Variants in TSPAN9 observed in about 807,000 individuals in gnomAD.
The protein encoded by TSPAN9 is tetraspanin-9.
In TSPAN9, 16 loss-of-function variants were observed where a neutral mutation model predicts 31.0. The observed-to-expected ratio is 0.52, with a 90% CI of 0.35 to 0.78. TSPAN9 has a LOEUF of 0.78. TSPAN9 is among the 30% of genes least tolerant of loss of function. TSPAN9 has a pLI of 0.01. For missense variants in TSPAN9, 272 were observed against 312.5 expected (o/e 0.87, Z 0.98); for synonymous variants, 145 against 121.6 (o/e 1.19, Z -1.27).
intron 3 of TSPAN9, among the ~76,000 whole-genome samples, chr12:3,221,931 C>T (rs774871390): frequency 5.9e-5 from 9 of 152,226 alleles, no homozygotes; most frequent in Non-Finnish European, 1.0e-4. Flanking sequence ...TATAAGCCAC[C>T]GTGCCCAGCC....
At position 3,159,542 on chromosome 12, in the gene TSPAN9, C is replaced by A. The variant is rs117301902; in HGVS notation, c.-17-41635C>A. 8.1e-4 allele frequency among the ~76,000 whole-genome samples: 123 copies of A among 152,236 alleles called. 1 individual carries two copies. The Middle Eastern group carries it at 0.034, about 42-fold the overall frequency. On this transcript the variant is annotated intron_variant, in intron 2 of 8. Coordinates refer to ENST00000011898, the MANE Select transcript of TSPAN9 (RefSeq NM_006675.5). ...GGTTAAATGAGGTCACCAGGGCAGG[C>A]CCTAATCCACCATGACTGGTGCCGT...
intron 3 of TSPAN9, among the ~76,000 whole-genome samples, chr12:3,214,893 C>G (rs1384068532): frequency 1.3e-5 from 2 of 151,860 alleles, no homozygotes; most frequent in Non-Finnish European, 2.9e-5. Flanking sequence ...TCCTCCTTCC[C>G]CCCATCCCCC....
chr12:3,095,788 A>C (rs1273194680), intron 2 of TSPAN9, among the ~76,000 whole-genome samples: 6 of 142,852 alleles, frequency 4.2e-5, no homozygotes, highest in African/African-American at 8.0e-5. Context: ...GGCGGCTGGG[A>C]AGAGGCGCTC....
At chr12:3,181,042 G>A (rs2098358339) in intron 2 of TSPAN9, among the ~76,000 whole-genome samples, 2 of 151,644 alleles carry the variant, frequency 1.3e-5, no homozygotes, top group South Asian at 2.1e-4. Flanking sequence ...AGGGGGCTTC[G>A]GCATGAGTCA....
chr12:3,230,377 C>G (rs1201850229), intron 3 of TSPAN9, among the ~76,000 whole-genome samples: 1 of 152,046 alleles, frequency 6.6e-6, no homozygotes, highest in Non-Finnish European at 1.5e-5. Flanking sequence ...CCAGGCTTCC[C>G]CCTCCCTTGT....
intron 2 of TSPAN9, among the ~76,000 whole-genome samples, chr12:3,108,041 C>G (rs1484268358): frequency 1.3e-5 from 2 of 152,162 alleles, no homozygotes; most frequent in African/African-American, 2.4e-5. Flanking sequence ...TCACCTCCCT[C>G]CACTAACTAA....
intron 3 of TSPAN9, among the ~76,000 whole-genome samples, chr12:3,223,314 C>A (rs988875113): frequency 6.6e-6 from 1 of 152,154 alleles, no homozygotes; most frequent in Non-Finnish European, 1.5e-5. Context: ...CACAGCTCAC[C>A]GCCAAGGCCT....
chr12:3,185,703 C>T (rs1435266899), intron 2 of TSPAN9, among the ~76,000 whole-genome samples: 1 of 152,242 alleles, frequency 6.6e-6, no homozygotes, highest in African/African-American at 2.4e-5. Context: ...ATGTGGGGAG[C>T]CCGCCTGAGG....
chr12:3,108,999 G>T (rs943236720), intron 2 of TSPAN9, among the ~76,000 whole-genome samples: 2 of 151,576 alleles, frequency 1.3e-5, no homozygotes, highest in African/African-American at 2.4e-5. Context: ...GCAGTGGCGC[G>T]ATCTCCGCTC....
chr12:3,099,713 T>G (rs1385074872), intron 2 of TSPAN9, among the ~76,000 whole-genome samples: 1 of 152,234 alleles, frequency 6.6e-6, no homozygotes, highest in Non-Finnish European at 1.5e-5. Context: ...ATTTGAGGTT[T>G]GCTGTTAAGC....
intron 3 of TSPAN9, among the ~76,000 whole-genome samples, chr12:3,217,957 A>G (rs1336672743): frequency 2.0e-5 from 3 of 152,070 alleles, no homozygotes; most frequent in African/African-American, 7.2e-5. Context: ...AGATGGGTTC[A>G]AGGAGCAACT....
chr12:3,134,664 T>G (rs1310624297), intron 2 of TSPAN9, among the ~76,000 whole-genome samples: 1 of 152,152 alleles, frequency 6.6e-6, no homozygotes, highest in Admixed American at 6.5e-5. Flanking sequence ...GATGGCTGTT[T>G]GGGGCGCCCA....
intron 2 of TSPAN9, among the ~76,000 whole-genome samples, chr12:3,137,509 C>T (rs1160189515): frequency 6.6e-6 from 1 of 152,208 alleles, no homozygotes; most frequent in African/African-American, 2.4e-5. Flanking sequence ...TCTGGGCACC[C>T]CACATCCATG....
chr12:3,207,092 G>A (rs1430003485), intron 3 of TSPAN9, among the ~76,000 whole-genome samples: 2 of 152,130 alleles, frequency 1.3e-5, no homozygotes, highest in East Asian at 1.9e-4. Context: ...TGGCTTCTGG[G>A]GGTGGAGAGT....
intron 3 of TSPAN9, among the ~76,000 whole-genome samples, chr12:3,268,981 C>T (rs1591716274): frequency 1.9e-5 from 2 of 108,044 alleles, no homozygotes; most frequent in African/African-American, 8.2e-5. Context: ...TTCCTGCAGC[C>T]TGCCCTCCGT....
intron 2 of TSPAN9, among the ~76,000 whole-genome samples, chr12:3,150,035 T>C (rs939186751): frequency 6.6e-6 from 1 of 151,914 alleles, no homozygotes; most frequent in African/African-American, 2.4e-5. Context: ...GGCAGAGGGG[T>C]GTGGGCAGGA....
intron 3 of TSPAN9, among the ~76,000 whole-genome samples, chr12:3,205,832 A>T: frequency 6.6e-6 from 1 of 152,104 alleles, no homozygotes. Flanking sequence ...GAAGGGGGAC[A>T]GGTGCGGGGC....
At chr12:3,131,254 C>A (rs12321327) in intron 2 of TSPAN9, among the ~76,000 whole-genome samples, 4 of 151,772 alleles carry the variant, frequency 2.6e-5, no homozygotes, top group African/African-American at 7.2e-5. Context: ...AGTTTTTACC[C>A]AGGCACCGCG....
chr12:3,184,338 C>T (rs538224466), intron 2 of TSPAN9, among the ~76,000 whole-genome samples: 1 of 151,690 alleles, frequency 6.6e-6, no homozygotes, highest in Non-Finnish European at 1.5e-5. Context: ...GTGGAGGCTG[C>T]AGTGAGCTGA....
Sources: allele counts gnomAD v4.1 joint callset (sites outside exome capture counted in the v4.1 genomes callset), GRCh38; gene constraint gnomAD v4.1.1; transcripts MANE v1.5; gene names NCBI Gene and HGNC (gene_info 2026-07-23, HGNC 2026-07-21).